TNFSF13B: variants seen among roughly 807,000 people sequenced by gnomAD.
The protein encoded by TNFSF13B is TNF superfamily member 13b.
In TNFSF13B, 8 loss-of-function variants were observed where a neutral mutation model predicts 29.1. The observed-to-expected ratio is 0.27, with a 90% CI of 0.16 to 0.50. The LOEUF (loss-of-function observed/expected upper bound fraction) is 0.50, where lower values mean the gene tolerates loss of function less well. TNFSF13B is among the 20% of genes least tolerant of loss of function. TNFSF13B has a pLI of 0.98. For synonymous variants in TNFSF13B, 125 were observed against 130.8 expected, an observed-to-expected ratio of 0.96 and a Z score of 0.30; for missense variants, 248 against 334.9, an observed-to-expected ratio of 0.74 and a Z score of 2.03.
In TNFSF13B at chr13:108,307,426, T is replaced by TA. The variant is rs1160084083; in HGVS notation, c.*494dup. 2 of 151,922 alleles carry TA rather than the reference T, an allele frequency of 1.3e-5. No individual in the cohort carries two copies. Among genetic ancestry groups the TA allele is most frequent in the African/African-American group, 4.8e-5 (2 of 41,400 alleles). 9.4% of individuals were successfully genotyped at this position (151,922 alleles called of 1,614,324 possible). On this transcript the variant is annotated 3_prime_UTR_variant, in exon 6 of 6. Coordinates refer to ENST00000375887, the MANE Select transcript of TNFSF13B (RefSeq NM_006573.5). ...CCTTTTCAGTTAACATTATAAAAAGTAAAAAATGAAAATTTTAGAAATCTT... is the reference window on the plus strand; with the variant it reads ...CCTTTTCAGTTAACATTATAAAAAGTAAAAAAATGAAAATTTTAGAAATCTT...
intron 2 of TNFSF13B, among the ~76,000 whole-genome samples, chr13:108,274,056 T>C (rs1292070339): frequency 6.6e-6 from 1 of 152,140 alleles, no homozygotes; most frequent in Non-Finnish European, 1.5e-5. Context: ...TAAAATAACA[T>C]TTTCTTTTCT....
At chr13:108,297,200 G>T (rs1881478279) in intron 3 of TNFSF13B, among the ~76,000 whole-genome samples, 1 of 145,248 alleles carries the variant, frequency 6.9e-6, no homozygotes, top group African/African-American at 2.6e-5. Flanking sequence ...ACATTTTAAG[G>T]ATATTTTCCC....
chr13:108,298,495 G>T (rs1302268216), intron 3 of TNFSF13B, among the ~76,000 whole-genome samples: 2 of 144,906 alleles, frequency 1.4e-5, no homozygotes, highest in African/African-American at 5.2e-5. Flanking sequence ...CTTCAAGGAG[G>T]GTAAAGACAA....
intron 4 of TNFSF13B, 23 bp from the exon 5 acceptor site, chr13:108,303,431 C>T (rs992614684): frequency 3.1e-6 from 5 of 1,609,420 alleles, no homozygotes; most frequent in South Asian, 1.1e-5. Context: ...ATTTCTGACA[C>T]AGTTTTTTGG....
intron 2 of TNFSF13B, among the ~76,000 whole-genome samples, chr13:108,284,891 C>T (rs944060739): frequency 6.6e-6 from 1 of 152,196 alleles, no homozygotes; most frequent in African/African-American, 2.4e-5. Flanking sequence ...AGACTGTACG[C>T]TTGGGGCTTT....
chr13:108,269,905 T>C lies in TNFSF13B; in HGVS notation c.10T>C (p.Ser4Pro). The change falls in exon 1 of 6, where the codon TCC becomes CCC. Residue 4 changes from serine to proline, a missense_variant. Physicochemically the swap from Ser to Pro is moderately conservative, Grantham distance 74. Transcript: ENST00000375887. MDD[S>P]TEREQSRLTS... Reference sequence around the variant, plus strand: ...AAGTTCAAGTAGTGATATGGATGACTCCACAGAAAGGGAGCAGTCACGCCT... The same window carrying C: ...AAGTTCAAGTAGTGATATGGATGACCCCACAGAAAGGGAGCAGTCACGCCT... 2 of 1,607,590 alleles carry C rather than the reference T, an allele frequency of 1.2e-6. No individual in the cohort carries two copies. Among genetic ancestry groups the C allele is most frequent in the Non-Finnish European group, 1.7e-6 (2 of 1,177,646 alleles).
intron 3 of TNFSF13B, among the ~76,000 whole-genome samples, chr13:108,288,073 T>C (rs1037119321): frequency 2.0e-5 from 3 of 152,218 alleles, no homozygotes; most frequent in African/African-American, 7.2e-5. Flanking sequence ...TGTTTAACTT[T>C]GTTTCATCCA....
rs80116232 is a variant in TNFSF13B at position 108,279,897 on chromosome 13, T to G, written c.425-6906T>G. Among the ~76,000 whole-genome samples the G allele has an allele frequency of 5.8e-3, 881 of 152,238 alleles. 8 individuals are homozygous for G. The highest frequency in any genetic ancestry group is 0.019 in the African/African-American group (803 of 41,538). ...TGATGCTCCTATTGCTCCTCTTTTT[T>G]TCTGATTTTAGTTGAAGTGTCACCT... On this transcript the variant is annotated intron_variant, in intron 2 of 5. Coordinates refer to ENST00000375887, the MANE Select transcript of TNFSF13B (RefSeq NM_006573.5).
chr13:108,276,761 T>A (rs760812254), intron 2 of TNFSF13B, among the ~76,000 whole-genome samples: 30 of 151,912 alleles, frequency 2.0e-4, no homozygotes, highest in South Asian at 1.4e-3. Context: ...TTTATACTTT[T>A]GACTATTTTT....
chr13:108,284,405 G>T (rs1168563033), intron 2 of TNFSF13B, among the ~76,000 whole-genome samples: 1 of 152,004 alleles, frequency 6.6e-6, no homozygotes, highest in South Asian at 2.1e-4. Flanking sequence ...AAAGACAAAA[G>T]AAATAGGAAG....
At chr13:108,276,065 A>T (rs1222079237) in intron 2 of TNFSF13B, among the ~76,000 whole-genome samples, 1 of 152,220 alleles carries the variant, frequency 6.6e-6, no homozygotes, top group African/African-American at 2.4e-5. Flanking sequence ...GAAAGATGAG[A>T]TGTTTGACAA....
chr13:108,287,620 CCATCTTCA>C (rs1434727516), intron 3 of TNFSF13B, among the ~76,000 whole-genome samples: 1 of 151,994 alleles, frequency 6.6e-6, no homozygotes, highest in East Asian at 1.9e-4. Flanking sequence ...TGACTCAAGA[CCATCTTCA>C]CAAATATGAA....
chr13:108,303,694 G>A (rs1275603148), intron 5 of TNFSF13B, 90 bp downstream of exon 5: 4 of 1,364,350 alleles, frequency 2.9e-6, no homozygotes, highest in African/African-American at 1.5e-5. Flanking sequence ...TGAAAGGATG[G>A]TGCCCTAAAA....
intron 2 of TNFSF13B, among the ~76,000 whole-genome samples, chr13:108,276,997 C>T (rs948027216): frequency 5.3e-5 from 8 of 151,886 alleles, no homozygotes; most frequent in Non-Finnish European, 8.8e-5. Context: ...GTTAGAGAAA[C>T]AGAAGGTTTC....
intron 5 of TNFSF13B, 69 bp from the exon 6 acceptor site, chr13:108,306,757 T>A: frequency 1.1e-6 from 1 of 949,880 alleles, no homozygotes; most frequent in Non-Finnish European, 1.6e-6. Flanking sequence ...AACAAAATAG[T>A]TTTATTTAAG....
chr13:108,285,128 A>T (rs1362822207), intron 2 of TNFSF13B, among the ~76,000 whole-genome samples: 1 of 152,190 alleles, frequency 6.6e-6, no homozygotes, highest in Non-Finnish European at 1.5e-5. Context: ...AATATCTGAA[A>T]ATTGACATAA....
rs934906358 is a variant in TNFSF13B, at chr13:108,303,551, G to A, written c.692G>A (p.Arg231Gln). ...GAATTGAGTCTGGTGACTTTGTTTCGATGTATTCAAAATATGCCTGAAACA... is the reference window on the plus strand; with the variant it reads ...GAATTGAGTCTGGTGACTTTGTTTCAATGTATTCAAAATATGCCTGAAACA... The part of the protein sequence containing the change: ...GDELSLVTLF[R>Q]CIQNMPETLP... Residue 231 changes from arginine to glutamine, a missense_variant, in exon 5 of 6, where the codon CGA becomes CAA. Transcript: ENST00000375887. 3 of 1,613,542 alleles carry A rather than the reference G, an allele frequency of 1.9e-6. No homozygotes were observed. The highest frequency in any genetic ancestry group is 1.3e-5 in the African/African-American group (1 of 74,846).
intron 2 of TNFSF13B, 129 bp downstream of exon 2, chr13:108,270,553 C>G: frequency 1.1e-6 from 1 of 906,240 alleles, no homozygotes; most frequent in Non-Finnish European, 1.7e-6. Flanking sequence ...CCATCCAAAG[C>G]AGACATTGCT....
chr13:108,303,291 A>AG lies in TNFSF13B; in HGVS notation c.524dup (p.Ser176LysfsTer9). 1 of 1,613,242 alleles carries AG rather than the reference A, an allele frequency of 6.2e-7. No individual in the cohort carries two copies. Among genetic ancestry groups the AG allele is most frequent in the Non-Finnish European group, 8.5e-7 (1 of 1,179,566 alleles). On this transcript the variant is annotated frameshift_variant, in exon 4 of 6. Coordinates refer to ENST00000375887, the MANE Select transcript of TNFSF13B (RefSeq NM_006573.5). LOFTEE classifies it high-confidence loss of function. ...TGTTCCATGGCTTCTCAGCTTTAAA[A>AG]GGGGAAGTGCCCTAGAAGAAAAAGA...
Sources: allele counts gnomAD v4.1 joint callset (sites outside exome capture counted in the v4.1 genomes callset), GRCh38; gene constraint gnomAD v4.1.1; transcripts MANE v1.5; gene names NCBI Gene and HGNC (gene_info 2026-07-23, HGNC 2026-07-21).